Variants in CADM2 observed in about 807,000 individuals in gnomAD.
CADM2 encodes the protein immunoglobulin superfamily member 4D.
In CADM2, 12 loss-of-function variants were observed where a neutral mutation model predicts 49.8. The ratio of observed to expected loss-of-function variants is 0.24; its 90% confidence interval spans 0.15 to 0.39. The LOEUF is 0.39. Ranked by LOEUF, CADM2 falls within the 10% of genes least tolerant of loss-of-function variation. The pLI is 1.00. For synonymous variants in CADM2, 214 were observed against 175.4 expected, an observed-to-expected ratio of 1.22 and a Z score of -1.74; for missense variants, 378 against 492.3, an observed-to-expected ratio of 0.77 and a Z score of 2.20.
At chr3:85,127,455 C>T (rs2039074441) in intron 1 of CADM2, among the ~76,000 whole-genome samples, 1 of 152,200 alleles carries the variant, frequency 6.6e-6, no homozygotes, top group Non-Finnish European at 1.5e-5. Context: ...ATTTCAACCT[C>T]ATTTGAAGAA....
At chr3:85,499,487 A>G (rs1576663681) in intron 1 of CADM2, among the ~76,000 whole-genome samples, 2 of 151,856 alleles carry the variant, frequency 1.3e-5, no homozygotes, top group Non-Finnish European at 2.9e-5. Flanking sequence ...TGACAAATGA[A>G]ATTAATTTTA....
chr3:85,549,803 T>TTTTTC (rs397990420), intron 1 of CADM2, among the ~76,000 whole-genome samples: 1 of 150,026 alleles, frequency 6.7e-6, no homozygotes, highest in Admixed American at 6.7e-5. Context: ...TTTTTTTTTT[T>TTTTTC]GTATTTTTAG....
At chr3:85,213,438 C>A (rs1259495085) in intron 1 of CADM2, among the ~76,000 whole-genome samples, 2 of 151,990 alleles carry the variant, frequency 1.3e-5, no homozygotes, top group African/African-American at 4.8e-5. Context: ...AGTCTGCTAC[C>A]AGACATAGTG....
At chr3:85,938,119 A>T (rs990903137) in intron 7 of CADM2, among the ~76,000 whole-genome samples, 3 of 152,050 alleles carry the variant, frequency 2.0e-5, no homozygotes, top group Non-Finnish European at 4.4e-5. Flanking sequence ...AATCATCTTA[A>T]ATAAACTTCT....
intron 1 of CADM2, among the ~76,000 whole-genome samples, chr3:85,013,716 C>T (rs1384583852): frequency 1.3e-5 from 2 of 150,182 alleles, no homozygotes; most frequent in African/African-American, 4.9e-5. Context: ...ATATTAGTCC[C>T]TCCTTGTCCC....
chr3:85,309,770 C>G (rs1156733868), intron 1 of CADM2, among the ~76,000 whole-genome samples: 1 of 152,100 alleles, frequency 6.6e-6, no homozygotes, highest in Non-Finnish European at 1.5e-5. Context: ...TAGGCTTTAT[C>G]CCTGTATCAA....
At chr3:85,739,254 G>C (rs539381773) in intron 2 of CADM2, among the ~76,000 whole-genome samples, 3 of 152,010 alleles carry the variant, frequency 2.0e-5, no homozygotes, top group Non-Finnish European at 4.4e-5. Context: ...TTGTTCAAAA[G>C]TTCTCTGCAG....
chr3:85,408,511 C>A (rs1439275580), intron 1 of CADM2, among the ~76,000 whole-genome samples: 1 of 152,146 alleles, frequency 6.6e-6, no homozygotes, highest in Non-Finnish European at 1.5e-5. Flanking sequence ...AGTGAAATTG[C>A]GTAGCAACTA....
At chr3:86,029,296 G>A (rs1734274917) in intron 8 of CADM2, among the ~76,000 whole-genome samples, 1 of 152,074 alleles carries the variant, frequency 6.6e-6, no homozygotes, top group South Asian at 2.1e-4. Context: ...AGAGGCTGGA[G>A]GCTGAGAGGC....
At chr3:85,426,147 T>C (rs909194700) in intron 1 of CADM2, among the ~76,000 whole-genome samples, 4 of 152,136 alleles carry the variant, frequency 2.6e-5, no homozygotes, top group South Asian at 2.1e-4. Context: ...TTTTTTCTTT[T>C]TTTTTATGTT....
intron 2 of CADM2, among the ~76,000 whole-genome samples, chr3:85,739,099 A>C (rs116622310): frequency 6.6e-6 from 1 of 152,148 alleles, no homozygotes; most frequent in African/African-American, 2.4e-5. Flanking sequence ...ATTTTGCCCT[A>C]CATGATGACA....
At chr3:85,179,932 C>T (rs77589974) in intron 1 of CADM2, among the ~76,000 whole-genome samples, 3,829 of 151,946 alleles carry the variant, frequency 0.025, 84 homozygotes, top group East Asian at 0.045. Flanking sequence ...TTTATAGTCC[C>T]ATAAATATTT....
intron 5 of CADM2, among the ~76,000 whole-genome samples, chr3:85,900,409 C>T (rs183037985): frequency 1.4e-4 from 21 of 152,026 alleles, no homozygotes; most frequent in Admixed American, 9.2e-4. Flanking sequence ...AAAAATCATG[C>T]GAGTTTTGAG....
At position 85,769,231 on chromosome 3, in the gene CADM2, C is replaced by T. The variant is rs538577041; in HGVS notation, c.89-32816C>T. Among the ~76,000 whole-genome samples the T allele has an allele frequency of 4.4e-4, 49 of 111,706 alleles. 1 individual carries two copies. Among genetic ancestry groups the T allele is most frequent in the African/African-American group, 1.9e-3 (44 of 23,192 alleles). The allele number at this position is 111,706 out of a possible 152,430, so 73.3% of individuals were successfully genotyped here. The stretch of plus-strand genomic sequence containing the variant: ...TATACATATATAGTATATATACACA[C>T]ATATACACATATATACATATATAGT... On this transcript the variant is annotated intron_variant, in intron 2 of 9. Coordinates refer to ENST00000383699, the MANE Select transcript of CADM2 (RefSeq NM_001167675.2).
chr3:85,028,628 T>C (rs2034841706), intron 1 of CADM2, among the ~76,000 whole-genome samples: 1 of 152,082 alleles, frequency 6.6e-6, no homozygotes, highest in African/African-American at 2.4e-5. Context: ...TAAAATATAT[T>C]TCAGTATATA....
intron 1 of CADM2, among the ~76,000 whole-genome samples, chr3:85,354,017 AT>A (rs927866826): frequency 1.1e-4 from 16 of 150,564 alleles, no homozygotes; most frequent in East Asian, 3.9e-4. Flanking sequence ...TGTCAACGCC[AT>A]TTTTTTTTCT....
intron 1 of CADM2, among the ~76,000 whole-genome samples, chr3:85,602,197 A>G (rs2063426207): frequency 6.6e-6 from 1 of 151,928 alleles, no homozygotes; most frequent in Non-Finnish European, 1.5e-5. Context: ...GAGGTTATTT[A>G]AAACCATTTT....
chr3:85,959,068 A>ATCTATG (rs1724471150), intron 7 of CADM2, among the ~76,000 whole-genome samples: 1 of 151,216 alleles, frequency 6.6e-6, no homozygotes, highest in Non-Finnish European at 1.5e-5. Context: ...CTATATCTAT[A>ATCTATG]TATCTATATA....
chr3:85,081,500 C>CA (rs2037165618), intron 1 of CADM2, among the ~76,000 whole-genome samples: 3 of 152,170 alleles, frequency 2.0e-5, no homozygotes, highest in Admixed American at 2.0e-4. Flanking sequence ...CTGGTTATTT[C>CA]AAAAAAATAA....
Sources: allele counts gnomAD v4.1 joint callset (sites outside exome capture counted in the v4.1 genomes callset), GRCh38; gene constraint gnomAD v4.1.1; transcripts MANE v1.5; gene names NCBI Gene and HGNC (gene_info 2026-07-23, HGNC 2026-07-21).